Variants in ANKMY1 observed in about 807,000 individuals in gnomAD.
The protein encoded by ANKMY1 is ankyrin repeat and MYND domain-containing protein 1.
In ANKMY1, 98 loss-of-function variants were observed where a neutral mutation model predicts 102.0. The observed-to-expected ratio is 0.96, with a 90% CI of 0.82 to 1.14. ANKMY1 has a LOEUF of 1.14. Ranked by LOEUF, ANKMY1 falls within the 50% of genes most tolerant of loss-of-function variation. ANKMY1 has a pLI of 0.00. For missense variants in ANKMY1, 1,330 were observed against 1,347.6 expected (o/e 0.99, Z 0.20); for synonymous variants, 582 against 559.9 (o/e 1.04, Z -0.56).
chr2:240,551,544 C>T (rs544445081), intron 4 of ANKMY1, among the ~76,000 whole-genome samples: 1 of 152,270 alleles, frequency 6.6e-6, no homozygotes, highest in African/African-American at 2.4e-5. Context: ...GTGATCAGGG[C>T]ACCAGGAAAC....
At chr2:240,498,157 G>A (rs563074124) in intron 15 of ANKMY1, among the ~76,000 whole-genome samples, 1 of 152,152 alleles carries the variant, frequency 6.6e-6, no homozygotes, top group East Asian at 1.9e-4. Flanking sequence ...GTTTATGTTT[G>A]TGTCGAGGGG....
chr2:240,558,075 C>A, upstream of ANKMY1: 2 of 772,290 alleles, frequency 2.6e-6, no homozygotes, highest in Non-Finnish European at 3.1e-6. Flanking sequence ...CAGGACGCAC[C>A]CGGCCCCGCC....
At chr2:240,558,018 C>G, upstream of ANKMY1, 4 of 973,176 alleles carry the variant, frequency 4.1e-6, no homozygotes, top group Non-Finnish European at 4.9e-6. Context: ...TGGAGACAGC[C>G]CCGCCCCATG....
At chr2:240,556,740 C>T (rs2092391752) in intron 2 of ANKMY1, among the ~76,000 whole-genome samples, 2 of 152,178 alleles carry the variant, frequency 1.3e-5, no homozygotes, top group African/African-American at 4.8e-5. Flanking sequence ...TGAGGCTGGT[C>T]CCCAACACCC....
chr2:240,524,518 T>G, intron 7 of ANKMY1, 137 bp from the exon 8 acceptor site: 1 of 990,576 alleles, frequency 1.0e-6, no homozygotes, highest in Non-Finnish European at 1.5e-6. Flanking sequence ...CCAGGGCAGC[T>G]TTCCCCAAAC....
upstream of ANKMY1, chr2:240,561,062 G>A (rs767063982): frequency 4.0e-6 from 6 of 1,493,574 alleles, no homozygotes; most frequent in South Asian, 1.3e-5. Flanking sequence ...GCCTCAGCCT[G>A]GCGAAGGCCT....
chr2:240,490,840 G>A (rs568746361), intron 15 of ANKMY1, among the ~76,000 whole-genome samples: 5 of 152,244 alleles, frequency 3.3e-5, no homozygotes, highest in South Asian at 2.1e-4. Flanking sequence ...TGTCTGTGAC[G>A]TCCATTTGGT....
At chr2:240,536,478 C>T (rs1052307405) in intron 4 of ANKMY1, among the ~76,000 whole-genome samples, 4 of 152,128 alleles carry the variant, frequency 2.6e-5, no homozygotes, top group African/African-American at 9.7e-5. Flanking sequence ...TAGGGAAAGG[C>T]CATTTCAGGC....
rs138380266 is a variant in ANKMY1, at chr2:240,524,046, A to G, written c.1671T>C (p.Phe557=). 6.2e-7 allele frequency: 1 copy of G among 1,613,932 alleles called. No individual in the cohort carries two copies. The highest frequency in any genetic ancestry group is 8.5e-7 in the Non-Finnish European group (1 of 1,180,046). The change falls in exon 8 of 18, where the codon TTT becomes TTC. Residue 557 remains phenylalanine, a synonymous_variant. Transcript: ENST00000401804. ...RGSLCSAETK[F]ESNVCVCDFS... ...AGTCGCACACACACACGTTGGACTC[A>G]AATTTCGTCTCAGCACTGCACAGAC... is the stretch of plus-strand genomic sequence containing the variant.
intron 9 of ANKMY1, among the ~76,000 whole-genome samples, chr2:240,515,729 T>G (rs1200244704): frequency 1.3e-5 from 2 of 152,060 alleles, no homozygotes; most frequent in Non-Finnish European, 2.9e-5. Flanking sequence ...AAAGATAATT[T>G]TTTTTTGAGA....
chr2:240,486,670 TTTGG>T (rs1328173034), intron 15 of ANKMY1, among the ~76,000 whole-genome samples: 1 of 152,172 alleles, frequency 6.6e-6, no homozygotes, highest in African/African-American at 2.4e-5. Flanking sequence ...TTGTTTTTTG[TTTGG>T]TTACTTTTAA....
chr2:240,480,186 C>T (rs866861567), intron 17 of ANKMY1, among the ~76,000 whole-genome samples: 6 of 152,204 alleles, frequency 3.9e-5, no homozygotes, highest in African/African-American at 7.2e-5. Context: ...AGCAAGACTT[C>T]GTCTCAAAAG....
At chr2:240,488,544 G>T (rs951781907) in intron 15 of ANKMY1, among the ~76,000 whole-genome samples, 5 of 152,144 alleles carry the variant, frequency 3.3e-5, no homozygotes, top group African/African-American at 1.2e-4. Context: ...TATTGACTCT[G>T]TATATTGCTT....
chr2:240,501,873 C>G (rs947411004), intron 13 of ANKMY1, among the ~76,000 whole-genome samples: 14 of 152,208 alleles, frequency 9.2e-5, no homozygotes, highest in African/African-American at 3.1e-4. Flanking sequence ...GAGGAGGCTG[C>G]TTTCCACTGC....
At chr2:240,489,456 C>CAAA (rs34868627) in intron 15 of ANKMY1, among the ~76,000 whole-genome samples, 1 of 137,484 alleles carries the variant, frequency 7.3e-6, no homozygotes, top group African/African-American at 2.6e-5. Context: ...GACTCTATCT[C>CAAA]AAAAAAAAAA....
rs546882371 is a variant in ANKMY1, at chr2:240,489,819, T to C, written c.2807-7558A>G. On this transcript the variant is annotated intron_variant, in intron 15 of 17. Coordinates refer to ENST00000401804, the MANE Select transcript of ANKMY1 (RefSeq NM_001282771.3). ...TTCCCTCCTCCTTAATTTTTTGGAA[T>C]GGTTTCAGGAGGATTGGTATTAGTT... is the stretch of plus-strand genomic sequence containing the variant. Among the ~76,000 whole-genome samples the C allele has an allele frequency of 3.0e-4, 45 of 152,354 alleles. 2 individuals carry two copies. The South Asian group carries it at 9.3e-3, about 32-fold the overall frequency.
chr2:240,469,118 A>G, the ANKMY1 span, among the ~76,000 whole-genome samples: 2 of 152,182 alleles, frequency 1.3e-5, no homozygotes, highest in Admixed American at 6.5e-5. Flanking sequence ...TGGACAACGC[A>G]TTTGGTCCAG....
intron 4 of ANKMY1, among the ~76,000 whole-genome samples, chr2:240,536,727 A>G (rs1022804422): frequency 6.6e-6 from 1 of 152,246 alleles, no homozygotes; most frequent in South Asian, 2.1e-4. Context: ...CAGTCAAAAA[A>G]TATACAAGAA....
chr2:240,515,333 A>G (rs370468174), intron 9 of ANKMY1, among the ~76,000 whole-genome samples: 28 of 152,212 alleles, frequency 1.8e-4, no homozygotes, highest in South Asian at 4.2e-4. Flanking sequence ...TCAGGAGTTC[A>G]AGACCAGCCT....
Sources: allele counts gnomAD v4.1 joint callset (sites outside exome capture counted in the v4.1 genomes callset), GRCh38; gene constraint gnomAD v4.1.1; transcripts MANE v1.5; gene names NCBI Gene and HGNC (gene_info 2026-07-23, HGNC 2026-07-21).